The following STXBP5L variants were observed in gnomAD, a reference collection of about 807,000 sequenced individuals.
STXBP5L encodes the protein syntaxin binding protein 5L.
In STXBP5L, 65 loss-of-function variants were observed where a neutral mutation model predicts 144.5. The observed-to-expected ratio is 0.45, with a 90% CI of 0.37 to 0.55. The LOEUF is 0.55. Among genes scored for constraint, STXBP5L ranks in the 20% least tolerant of loss-of-function variants. The pLI is 0.00. For synonymous variants in STXBP5L, 505 were observed against 469.6 expected, an observed-to-expected ratio of 1.08 and a Z score of -0.97; for missense variants, 1,298 against 1,405.5, an observed-to-expected ratio of 0.92 and a Z score of 1.22.
chr3:120,914,595 T>C (rs1277256268), intron 2 of STXBP5L, among the ~76,000 whole-genome samples: 1 of 152,098 alleles, frequency 6.6e-6, no homozygotes. Context: ...AGATTTTCAT[T>C]GTCTCCACAT....
chr3:121,240,104 G>A (rs915944874), intron 13 of STXBP5L, among the ~76,000 whole-genome samples: 9 of 152,060 alleles, frequency 5.9e-5, no homozygotes, highest in Non-Finnish European at 1.0e-4. Context: ...TATTTACATA[G>A]CTTCTATGTT....
intron 19 of STXBP5L, among the ~76,000 whole-genome samples, chr3:121,298,612 T>A (rs1020683000): frequency 6.6e-6 from 1 of 152,186 alleles, no homozygotes; most frequent in Non-Finnish European, 1.5e-5. Flanking sequence ...TGCTACAACA[T>A]GATGAGCCTT....
intron 5 of STXBP5L, among the ~76,000 whole-genome samples, chr3:121,112,039 G>T (rs527253718): frequency 2.0e-5 from 3 of 152,246 alleles, no homozygotes; most frequent in East Asian, 3.9e-4. Flanking sequence ...CTACACTGTG[G>T]AGAATTCCTC....
At chr3:120,987,698 CT>C (rs1207816284) in intron 3 of STXBP5L, among the ~76,000 whole-genome samples, 1 of 151,486 alleles carries the variant, frequency 6.6e-6, no homozygotes, top group Admixed American at 6.6e-5. Context: ...TGATTTTTTC[CT>C]TTTTTTAAAA....
At chr3:121,404,857 A>G (rs78748966) in intron 22 of STXBP5L, among the ~76,000 whole-genome samples, 18,879 of 152,192 alleles carry the variant, frequency 0.12, 1,283 homozygotes, top group South Asian at 0.24. Context: ...TCAGGCTGCC[A>G]TAATGAAATA....
chr3:120,995,207 G>A (rs1943242464), intron 3 of STXBP5L, among the ~76,000 whole-genome samples: 1 of 152,128 alleles, frequency 6.6e-6, no homozygotes, highest in South Asian at 2.1e-4. Context: ...GAATGCAATG[G>A]CATGATCATG....
intron 5 of STXBP5L, among the ~76,000 whole-genome samples, chr3:121,080,870 A>G (rs1190430681): frequency 6.6e-6 from 1 of 152,158 alleles, no homozygotes; most frequent in Non-Finnish European, 1.5e-5. Context: ...TGAATTTCCC[A>G]TAAGTTATTT....
chr3:121,061,065 G>T (rs1232420990), intron 5 of STXBP5L, among the ~76,000 whole-genome samples: 1 of 152,044 alleles, frequency 6.6e-6, no homozygotes, highest in Non-Finnish European at 1.5e-5. Flanking sequence ...TGTGATGTTA[G>T]GGTATTGATT....
chr3:121,259,704 A>C (rs2050324058), intron 18 of STXBP5L, among the ~76,000 whole-genome samples: 1 of 151,840 alleles, frequency 6.6e-6, no homozygotes, highest in Non-Finnish European at 1.5e-5. Flanking sequence ...TATGTGTTTG[A>C]TACTTCCATA....
In STXBP5L at chr3:121,239,693, C is replaced by T. The variant is rs926043879; in HGVS notation, c.1332+575C>T. 4.8e-3 allele frequency among the ~76,000 whole-genome samples: 568 copies of T among 117,356 alleles called. 3 individuals carry two copies. Among genetic ancestry groups the T allele is most frequent in the African/African-American group, 0.018 (537 of 29,470 alleles). 77.0% of individuals were successfully genotyped at this position (117,356 alleles called of 152,430 possible). On this transcript the variant is annotated intron_variant, in intron 13 of 26. Transcript: ENST00000471454. ...TGGACACAGGAAGGGGAACATCACA[C>T]TCTGGGGACTGTTGTGGGGTGGGGG... is the stretch of plus-strand genomic sequence containing the variant.
intron 20 of STXBP5L, among the ~76,000 whole-genome samples, chr3:121,344,157 C>T (rs999168994): frequency 7.9e-5 from 12 of 151,932 alleles, no homozygotes; most frequent in South Asian, 2.1e-4. Flanking sequence ...GAAAGGATTC[C>T]GTATTTAATA....
intron 10 of STXBP5L, among the ~76,000 whole-genome samples, chr3:121,217,308 G>A (rs761233051): frequency 9.2e-5 from 14 of 152,184 alleles, no homozygotes; most frequent in Non-Finnish European, 1.6e-4. Flanking sequence ...GGGCCCTGAT[G>A]ACGTAGGCAC....
intron 19 of STXBP5L, among the ~76,000 whole-genome samples, chr3:121,303,593 G>T (rs1406855090): frequency 6.6e-6 from 1 of 152,100 alleles, no homozygotes; most frequent in Admixed American, 6.5e-5. Context: ...GTTTACTGCA[G>T]CACTATTCAC....
chr3:121,152,610 T>C, intron 8 of STXBP5L, 50 bp downstream of exon 8: 3 of 1,361,646 alleles, frequency 2.2e-6, no homozygotes, highest in Non-Finnish European at 3.1e-6. Context: ...ACGTTATGCC[T>C]GTTTACTACT....
At chr3:121,373,556 T>C (rs1560033054) in intron 20 of STXBP5L, among the ~76,000 whole-genome samples, 1 of 152,168 alleles carries the variant, frequency 6.6e-6, no homozygotes, top group Non-Finnish European at 1.5e-5. Context: ...GTAGTGTTGC[T>C]ATGCCAGCTG....
chr3:120,988,226 C>T (rs1228013663), intron 3 of STXBP5L, among the ~76,000 whole-genome samples: 2 of 150,774 alleles, frequency 1.3e-5, no homozygotes, highest in Non-Finnish European at 3.0e-5. Context: ...ATTTGGTGCT[C>T]TGTCTTTTGT....
chr3:121,033,942 G>A (rs1325965222), intron 3 of STXBP5L, among the ~76,000 whole-genome samples: 3 of 151,946 alleles, frequency 2.0e-5, no homozygotes, highest in Non-Finnish European at 4.4e-5. Flanking sequence ...ATTAAAAATA[G>A]TATTTTCTCA....
chr3:121,144,956 C>T (rs2045658259), intron 7 of STXBP5L, among the ~76,000 whole-genome samples: 1 of 151,842 alleles, frequency 6.6e-6, no homozygotes. Flanking sequence ...CTAAAATAGT[C>T]ATATATATAG....
chr3:120,939,289 G>A (rs1326569471), intron 2 of STXBP5L, among the ~76,000 whole-genome samples: 1 of 152,146 alleles, frequency 6.6e-6, no homozygotes, highest in Admixed American at 6.6e-5. Context: ...TGCTAATGTA[G>A]CAAGAGGACA....
Sources: allele counts gnomAD v4.1 joint callset (sites outside exome capture counted in the v4.1 genomes callset), GRCh38; gene constraint gnomAD v4.1.1; transcripts MANE v1.5; gene names NCBI Gene and HGNC (gene_info 2026-07-23, HGNC 2026-07-21).